The following DTNA variants were observed in gnomAD, a reference collection of about 807,000 sequenced individuals.
The protein encoded by DTNA is dystrobrevin alpha, also known as dystrophin-related protein 3.
A neutral mutation model predicts 100.7 loss-of-function variants in DTNA; 43 were observed. That is an observed-to-expected ratio of 0.43 (90% CI 0.33 to 0.55). The LOEUF (loss-of-function observed/expected upper bound fraction) is 0.55, where lower values mean the gene tolerates loss of function less well. Ranked by LOEUF, DTNA falls within the 20% of genes least tolerant of loss-of-function variation. DTNA has a pLI of 0.04. For synonymous variants in DTNA, 349 were observed against 347.9 expected (o/e 1.00, Z -0.04); for missense variants, 798 against 953.9 (o/e 0.84, Z 2.15).
At chr18:34,876,587 C>G (rs546500381) in intron 18 of DTNA, among the ~76,000 whole-genome samples, 1 of 152,120 alleles carries the variant, frequency 6.6e-6, no homozygotes, top group South Asian at 2.1e-4. Flanking sequence ...TCACTTTTTG[C>G]CTAGAAGATT....
rs544421388 is a variant in DTNA, at chr18:34,629,901, G to T, written c.-1-126075G>T. ...CCTGGGCTTGATACATGCCTGCTGG[G>T]CCTCTGATTCCATGCTTCCTCAGCA... On this transcript the variant is annotated intron_variant, in intron 1 of 19. Coordinates refer to the DTNA transcript ENST00000283365. Among the ~76,000 whole-genome samples, 7 of 152,242 alleles carry T rather than the reference G, an allele frequency of 4.6e-5. No homozygotes were observed. In the South Asian group the frequency reaches 1.2e-3, roughly 27 times the overall value.
chr18:34,726,664 A>G (rs1163432847), intron 1 of DTNA, among the ~76,000 whole-genome samples: 3 of 152,190 alleles, frequency 2.0e-5, no homozygotes. Flanking sequence ...GGTGCAAGGG[A>G]TGGACTCCCA....
intron 1 of DTNA, among the ~76,000 whole-genome samples, chr18:34,594,264 T>G (rs753717891): frequency 2.0e-5 from 3 of 152,198 alleles, no homozygotes; most frequent in Non-Finnish European, 4.4e-5. Context: ...GTTTTAGGAC[T>G]TCAAACTTCT....
At chr18:34,716,101 A>G (rs75483022) in intron 1 of DTNA, among the ~76,000 whole-genome samples, 1 of 152,118 alleles carries the variant, frequency 6.6e-6, no homozygotes, top group African/African-American at 2.4e-5. Flanking sequence ...AAAATTGCAT[A>G]TCCTTGGGCC....
In DTNA at chr18:34,594,143, G is replaced by GAA. The variant is rs35934512; in HGVS notation, c.-2+100640_-2+100641dup. ...TTCCAAGCAGGTTCCCCTCCTTCAG[G>GAA]AAAAAAAAAAAAGCTGAAATTTGCT... On this transcript the variant is annotated intron_variant, in intron 1 of 19. Transcript: ENST00000283365. 2.7e-3 allele frequency among the ~76,000 whole-genome samples: 388 copies of GAA among 143,670 alleles called. 4 individuals carry two copies. Among genetic ancestry groups the GAA allele is most frequent in the African/African-American group, 9.1e-3 (357 of 39,394 alleles). The allele number at this position is 143,670 out of a possible 152,430, so 94.3% of individuals were successfully genotyped here. A position where few individuals can be genotyped will look rare whatever the true frequency, so the allele number is the denominator to read the frequency against.
chr18:34,567,259 C>A (rs1188774090), intron 1 of DTNA, among the ~76,000 whole-genome samples: 1 of 151,890 alleles, frequency 6.6e-6, no homozygotes, highest in Non-Finnish European at 1.5e-5. Flanking sequence ...GCTTTTAATC[C>A]TTTTCTTAGC....
At chr18:34,675,257 A>G (rs1319890996) in intron 1 of DTNA, among the ~76,000 whole-genome samples, 2 of 152,004 alleles carry the variant, frequency 1.3e-5, no homozygotes, top group Non-Finnish European at 2.9e-5. Flanking sequence ...TGCACAACCA[A>G]AAATGTCTCC....
intron 1 of DTNA, among the ~76,000 whole-genome samples, chr18:34,546,445 C>T (rs1191083820): frequency 2.6e-5 from 4 of 152,032 alleles, no homozygotes; most frequent in Non-Finnish European, 5.9e-5. Context: ...GGAAGAGTCT[C>T]AAAGATTAAT....
chr18:34,511,675 C>T (rs1297070370), intron 1 of DTNA, among the ~76,000 whole-genome samples: 2 of 151,906 alleles, frequency 1.3e-5, no homozygotes, highest in Admixed American at 6.6e-5. Context: ...TGGTCAGAAC[C>T]TTGTGGTTTG....
chr18:34,818,066 G>T, intron 7 of DTNA, 98 bp from the exon 8 acceptor site: 2 of 1,605,406 alleles, frequency 1.2e-6, no homozygotes, highest in Admixed American at 1.7e-5. Context: ...AAATCGTGGT[G>T]CAGAGAAGAA....
chr18:34,510,428 C>T (rs1309813637), intron 1 of DTNA, among the ~76,000 whole-genome samples: 2 of 151,780 alleles, frequency 1.3e-5, no homozygotes, highest in Non-Finnish European at 2.9e-5. Context: ...GTGTGCTTCT[C>T]GAAGCTTTCA....
intron 1 of DTNA, among the ~76,000 whole-genome samples, chr18:34,565,921 A>G (rs1250584698): frequency 6.6e-6 from 1 of 152,198 alleles, no homozygotes; most frequent in Non-Finnish European, 1.5e-5. Context: ...GGGAAAACAC[A>G]TAGTGAGGTA....
Position 34,771,692 on chromosome 18 carries a change from T to C in DTNA, c.148+5651T>C, listed in dbSNP as rs144625356. Among the ~76,000 whole-genome samples, 3 of 152,318 alleles carry C rather than the reference T, an allele frequency of 2.0e-5. No individual in the cohort carries two copies. In the East Asian group the frequency reaches 5.8e-4, roughly 29 times the overall value. On this transcript the variant is annotated intron_variant, in intron 3 of 22. Coordinates refer to ENST00000444659, the MANE Select transcript of DTNA (RefSeq NM_001386795.1). ...AATTAGGGGACACCAAGTTGATTAT[T>C]TGATATTCTAGGAGGAATGGAGCAG...
At chr18:34,734,616 C>T (rs139063298) in intron 1 of DTNA, among the ~76,000 whole-genome samples, 1 of 152,126 alleles carries the variant, frequency 6.6e-6, no homozygotes, top group Non-Finnish European at 1.5e-5. Context: ...ATTTGAGGCT[C>T]AGTGTCTGCT....
At chr18:34,781,024 G>A (rs1270464076) in intron 3 of DTNA, among the ~76,000 whole-genome samples, 1 of 152,200 alleles carries the variant, frequency 6.6e-6, no homozygotes, top group Admixed American at 6.5e-5. Flanking sequence ...TTTGTACTGA[G>A]ATGTCAGAGG....
chr18:34,558,422 A>T (rs2046329360), intron 1 of DTNA, among the ~76,000 whole-genome samples: 1 of 152,138 alleles, frequency 6.6e-6, no homozygotes, highest in Non-Finnish European at 1.5e-5. Context: ...TAATTCATTG[A>T]TTAATTCAAC....
In DTNA at chr18:34,888,092, T is replaced by C; in HGVS notation, c.*358T>C. On this transcript the variant is annotated 3_prime_UTR_variant, in exon 23 of 23. Coordinates refer to ENST00000444659, the MANE Select transcript of DTNA (RefSeq NM_001386795.1). ...GGTTAAAAAGCAAACAAACACAGGC[T>C]GAAAACCCATGCTGCTGTTATACAC... 1.0e-6 allele frequency: 1 copy of C among 985,908 alleles called. No homozygotes were observed. The highest frequency in any genetic ancestry group is 4.7e-5 in the South Asian group (1 of 21,292). 61.1% of individuals were successfully genotyped at this position (985,908 alleles called of 1,614,324 possible). A position where few individuals can be genotyped will look rare whatever the true frequency, so the allele number is the denominator to read the frequency against.
chr18:34,535,934 T>C (rs2043662293), intron 1 of DTNA, among the ~76,000 whole-genome samples: 1 of 152,070 alleles, frequency 6.6e-6, no homozygotes, highest in South Asian at 2.1e-4. Flanking sequence ...AAAACTGTCT[T>C]CTTTTATTCT....
At chr18:34,801,978 C>T (rs554771682) in intron 4 of DTNA, among the ~76,000 whole-genome samples, 36 of 152,340 alleles carry the variant, frequency 2.4e-4, no homozygotes, top group African/African-American at 8.7e-4. Context: ...GATCCCGCCC[C>T]TAAAAGTCTG....
Sources: allele counts gnomAD v4.1 joint callset (sites outside exome capture counted in the v4.1 genomes callset), GRCh38; gene constraint gnomAD v4.1.1; transcripts MANE v1.5; gene names NCBI Gene and HGNC (gene_info 2026-07-23, HGNC 2026-07-21).